The following PHF24 variants were observed in gnomAD, a reference collection of about 807,000 sequenced individuals.
PHF24 encodes the protein Galpha inhibitory interacting protein.
In PHF24, 25 loss-of-function variants were observed where a neutral mutation model predicts 42.6. The ratio of observed to expected loss-of-function variants is 0.59; its 90% confidence interval spans 0.43 to 0.82. The LOEUF (loss-of-function observed/expected upper bound fraction) is 0.82. PHF24 is among the 40% of genes least tolerant of loss of function. The pLI, the probability that PHF24 is intolerant of heterozygous loss-of-function variation, is 0.00. For synonymous variants in PHF24, 185 were observed against 204.8 expected, an observed-to-expected ratio of 0.90 and a Z score of 0.83; for missense variants, 470 against 538.1, an observed-to-expected ratio of 0.87 and a Z score of 1.25.
At chr9:34,928,976 G>T in the PHF24 span, among the ~76,000 whole-genome samples, 1 of 152,046 alleles carries the variant, frequency 6.6e-6, no homozygotes, top group Non-Finnish European at 1.5e-5. Flanking sequence ...ACAGACCACT[G>T]GGAACCCAGC....
At chr9:34,848,138 T>G in the PHF24 span, among the ~76,000 whole-genome samples, 11 of 151,950 alleles carry the variant, frequency 7.2e-5, no homozygotes, top group Admixed American at 6.6e-4. Context: ...GAGGATTCCC[T>G]CTTTTTCTAT....
exon 8 of PHF24, chr9:34,978,050 T>G (rs756239435): frequency 6.2e-7 from 1 of 1,614,208 alleles, no homozygotes; most frequent in South Asian, 1.1e-5. Flanking sequence ...CAAGAGAATG[T>G]CCTCTACATC....
the PHF24 span, among the ~76,000 whole-genome samples, chr9:34,851,015 G>T: frequency 6.6e-6 from 1 of 152,152 alleles, no homozygotes; most frequent in African/African-American, 2.4e-5. Context: ...CCTACTGGGG[G>T]GTGCCTCCCA....
the PHF24 span, among the ~76,000 whole-genome samples, chr9:34,817,776 T>C: frequency 8.2e-3 from 1,255 of 152,342 alleles, 17 homozygotes; most frequent in Admixed American, 0.028. Flanking sequence ...AGTAATTTTG[T>C]GTATGGAACA....
At chr9:34,941,703 T>C in the PHF24 span, among the ~76,000 whole-genome samples, 1 of 152,166 alleles carries the variant, frequency 6.6e-6, no homozygotes, top group Non-Finnish European at 1.5e-5. Flanking sequence ...TAGACAGATG[T>C]CTTCTCACTG....
At chr9:34,977,499 G>A in intron 6 of PHF24, 47 bp from the exon 7 acceptor site, 1 of 1,541,960 alleles carries the variant, frequency 6.5e-7, no homozygotes, top group Non-Finnish European at 8.8e-7. Context: ...GGAGGGGGCA[G>A]GCATTTCACT....
the PHF24 span, among the ~76,000 whole-genome samples, chr9:34,910,046 T>G: frequency 5.5e-4 from 84 of 152,358 alleles, no homozygotes; most frequent in African/African-American, 1.9e-3. Context: ...AAATGCTGGC[T>G]TTTAAATTGT....
the PHF24 span, among the ~76,000 whole-genome samples, chr9:34,760,104 G>T: frequency 6.6e-6 from 1 of 152,190 alleles, no homozygotes; most frequent in Non-Finnish European, 1.5e-5. Context: ...AAACGACGGG[G>T]ATGAAGTACA....
intron 4 of PHF24, 138 bp downstream of exon 4, chr9:34,976,368 C>A: frequency 2.1e-6 from 2 of 965,404 alleles, no homozygotes; most frequent in Non-Finnish European, 3.2e-6. Context: ...GAGTTGTTGG[C>A]CAGCAGAGTC....
At chr9:34,835,718 G>C in the PHF24 span, 560 of 1,551,238 alleles carry the variant, frequency 3.6e-4, no homozygotes, top group African/African-American at 6.8e-3. Context: ...CAGTAATCTT[G>C]TATGCCATCT....
the PHF24 span, among the ~76,000 whole-genome samples, chr9:34,935,929 G>T: frequency 6.6e-6 from 1 of 151,958 alleles, no homozygotes. Context: ...ACTGGTAAGG[G>T]ATAGAGTTTC....
At chr9:34,803,909 T>C in the PHF24 span, among the ~76,000 whole-genome samples, 1 of 152,214 alleles carries the variant, frequency 6.6e-6, no homozygotes, top group East Asian at 1.9e-4. Context: ...TTCACATAGC[T>C]GCTGGAAGAA....
the PHF24 span, among the ~76,000 whole-genome samples, chr9:34,679,105 C>T: frequency 1.3e-5 from 2 of 152,218 alleles, no homozygotes; most frequent in African/African-American, 4.8e-5. Context: ...GGCTGTGAAT[C>T]AAGTATTAGT....
chr9:34,892,224 G>T, the PHF24 span, among the ~76,000 whole-genome samples: 2 of 152,138 alleles, frequency 1.3e-5, no homozygotes, highest in African/African-American at 4.8e-5. Context: ...ATGGGGTTTG[G>T]GATTTGTTCA....
chr9:34,869,176 C>T, the PHF24 span, among the ~76,000 whole-genome samples: 1 of 152,144 alleles, frequency 6.6e-6, no homozygotes, highest in Non-Finnish European at 1.5e-5. Flanking sequence ...TGGGTTGATT[C>T]CATGTCTTTG....
At chr9:34,976,946 G>T in intron 5 of PHF24, 137 bp from the exon 6 acceptor site, 1 of 1,045,920 alleles carries the variant, frequency 9.6e-7, no homozygotes, top group Non-Finnish European at 1.4e-6. Context: ...GGCCGCACTG[G>T]AAGTGCTGAT....
At chr9:34,969,432 G>T (rs892806925) in intron 1 of PHF24, among the ~76,000 whole-genome samples, 1 of 151,630 alleles carries the variant, frequency 6.6e-6, no homozygotes, top group African/African-American at 2.4e-5. Flanking sequence ...ATGAGGTCAG[G>T]AGATCGAGAC....
the PHF24 span, among the ~76,000 whole-genome samples, chr9:34,899,011 T>C: frequency 6.6e-6 from 1 of 152,182 alleles, no homozygotes; most frequent in Non-Finnish European, 1.5e-5. Flanking sequence ...GCCTTTAGCA[T>C]AGGTTTATTT....
At chr9:34,751,089 G>A in the PHF24 span, among the ~76,000 whole-genome samples, 2,405 of 152,302 alleles carry the variant, frequency 0.016, 56 homozygotes, top group African/African-American at 0.05. Flanking sequence ...AGTTGGCTGG[G>A]TGCAGTGGCT....
Sources: gnomAD v4.1 joint callset for allele counts (sites outside exome capture counted in the v4.1 genomes callset) on GRCh38, gnomAD v4.1.1 for gene constraint, MANE v1.5 for transcripts, NCBI Gene and HGNC (gene_info 2026-07-23, HGNC 2026-07-21) for gene names.